Variants in PACRG observed in about 807,000 individuals in gnomAD.
PACRG encodes parkin coregulated gene protein.
Under a neutral mutation model 29.7 loss-of-function variants are expected in PACRG, and 29 were observed. The observed-to-expected ratio is 0.98, with a 90% CI of 0.73 to 1.33. PACRG has a LOEUF of 1.33. Ranked by LOEUF, PACRG falls within the 40% of genes most tolerant of loss-of-function variation. The probability of loss-of-function intolerance (pLI) is 0.00; values close to 1 mark genes in which losing one functional copy is unlikely to be tolerated. For missense variants in PACRG, 279 were observed against 316.2 expected (o/e 0.88, Z 0.89); for synonymous variants, 116 against 118.7 (o/e 0.98, Z 0.15).
chr6:162,911,171 T>G lies in PACRG; in HGVS notation c.291+96890T>G, dbSNP rs147185005. ...AACTAAGTTATTTTAAGCAAACAGC[T>G]TCATTTTACATTCATTTATTTCTGC... On this transcript the variant is annotated intron_variant, in intron 2 of 4. Transcript: ENST00000366888. Among the ~76,000 whole-genome samples, 860 of 152,346 alleles carry G rather than the reference T, an allele frequency of 5.6e-3. 4 individuals are homozygous for G. Among genetic ancestry groups the G allele is most frequent in the Middle Eastern group, 6.8e-3 (2 of 294 alleles).
intron 2 of PACRG, among the ~76,000 whole-genome samples, chr6:163,029,356 G>A (rs1807443691): frequency 6.6e-6 from 1 of 152,164 alleles, no homozygotes; most frequent in African/African-American, 2.4e-5. Context: ...AGTTGTTACA[G>A]CAGCCATAGG....
At chr6:163,111,833 T>A (rs1466336426) in intron 4 of PACRG, among the ~76,000 whole-genome samples, 1 of 152,226 alleles carries the variant, frequency 6.6e-6, no homozygotes, top group East Asian at 1.9e-4. Context: ...CTTGGGTGTA[T>A]CTTGGTTTAT....
intron 2 of PACRG, among the ~76,000 whole-genome samples, chr6:162,882,824 C>T (rs540170622): frequency 1.3e-5 from 2 of 152,326 alleles, no homozygotes; most frequent in South Asian, 4.1e-4. Flanking sequence ...TTCCATTGTG[C>T]TCACTCGCGT....
chr6:162,805,538 C>T (rs1786248068), intron 1 of PACRG, among the ~76,000 whole-genome samples: 1 of 152,152 alleles, frequency 6.6e-6, no homozygotes, highest in Admixed American at 6.5e-5. Flanking sequence ...AAATTTGCTG[C>T]ATTGATTGAT....
intron 4 of PACRG, among the ~76,000 whole-genome samples, chr6:163,139,161 T>A (rs1183872889): frequency 1.3e-5 from 2 of 152,210 alleles, no homozygotes; most frequent in African/African-American, 4.8e-5. Flanking sequence ...ATTCCTGGCC[T>A]CCCCCAGCTT....
chr6:163,017,431 CA>C lies in PACRG; in HGVS notation c.292-44714del, dbSNP rs112203616. ...CGTGAAGTACCCTTTTACAAAGTCA[CA>C]AAAATATTACGAATCTCTTTTGCAG... On this transcript the variant is annotated intron_variant, in intron 2 of 4. Coordinates refer to ENST00000366888, the MANE Select transcript of PACRG (RefSeq NM_001080379.2). Among the ~76,000 whole-genome samples the C allele has an allele frequency of 6.8e-3, 1,032 of 152,218 alleles. 14 individuals carry two copies. Among genetic ancestry groups the C allele is most frequent in the African/African-American group, 0.023 (972 of 41,542 alleles).
At chr6:162,987,938 G>A (rs367573169) in intron 2 of PACRG, among the ~76,000 whole-genome samples, 2 of 152,156 alleles carry the variant, frequency 1.3e-5, no homozygotes, top group African/African-American at 4.8e-5. Context: ...CTCCTTCCTT[G>A]GAGCAGGGTT....
intron 1 of PACRG, among the ~76,000 whole-genome samples, chr6:162,791,382 G>A (rs10806768): frequency 0.54 from 80,422 of 147,770 alleles, 22,622 homozygotes; most frequent in African/African-American, 0.67. Context: ...AAATCTTAGT[G>A]TCACCTTTGA....
intron 2 of PACRG, among the ~76,000 whole-genome samples, chr6:163,044,249 G>C (rs112090664): frequency 4.0e-5 from 6 of 150,624 alleles, no homozygotes; most frequent in African/African-American, 1.2e-4. Flanking sequence ...GTTCACTGAA[G>C]CCTTGGCTCC....
chr6:163,194,361 C>T (rs1780352651), intron 4 of PACRG, among the ~76,000 whole-genome samples: 1 of 152,022 alleles, frequency 6.6e-6, no homozygotes, highest in African/African-American at 2.4e-5. Flanking sequence ...CCCCTCTCTC[C>T]CTCCCTCCCT....
intron 2 of PACRG, among the ~76,000 whole-genome samples, chr6:163,009,741 T>G (rs1805444616): frequency 6.6e-6 from 1 of 152,236 alleles, no homozygotes; most frequent in Non-Finnish European, 1.5e-5. Flanking sequence ...GATGGAGTTA[T>G]TTACACCTCT....
intron 2 of PACRG, among the ~76,000 whole-genome samples, chr6:162,885,526 C>T (rs964574247): frequency 1.3e-5 from 2 of 152,040 alleles, no homozygotes; most frequent in Non-Finnish European, 2.9e-5. Context: ...CTTCCTCGGC[C>T]TCCCAAAGTG....
intron 1 of PACRG, among the ~76,000 whole-genome samples, chr6:162,775,494 A>G (rs1050228755): frequency 5.9e-5 from 9 of 152,258 alleles, no homozygotes; most frequent in African/African-American, 1.9e-4. Context: ...TGCTTTTCAC[A>G]GAACTTAAAT....
In PACRG at chr6:162,842,555, G is replaced by A. The variant is rs1438751451; in HGVS notation, c.291+28274G>A. The stretch of plus-strand genomic sequence containing the variant: ...TGGGTCTTGACTCTTTATCCAATTT[G>A]CCAGTCTGTGTCTTTTAATTGGAGC... On this transcript the variant is annotated intron_variant, in intron 2 of 4. Transcript: ENST00000366888. Among the ~76,000 whole-genome samples the A allele has an allele frequency of 5.5e-4, 82 of 149,470 alleles. No homozygotes were observed. The South Asian group carries it at 0.017, about 31-fold the overall frequency.
intron 2 of PACRG, among the ~76,000 whole-genome samples, chr6:163,044,957 C>T (rs1471231568): frequency 6.6e-6 from 1 of 152,232 alleles, no homozygotes; most frequent in Non-Finnish European, 1.5e-5. Context: ...GGTTGCTCCT[C>T]TCCAATGAAT....
intron 4 of PACRG, among the ~76,000 whole-genome samples, chr6:163,249,015 C>CAAAAAAAA (rs57866351): frequency 1.9e-5 from 2 of 107,484 alleles, no homozygotes; most frequent in African/African-American, 3.4e-5. Flanking sequence ...GACTCTGTCT[C>CAAAAAAAA]AAAAAAAAAA....
At chr6:163,288,577 T>C (rs1451410024) in intron 4 of PACRG, among the ~76,000 whole-genome samples, 1 of 152,232 alleles carries the variant, frequency 6.6e-6, no homozygotes, top group African/African-American at 2.4e-5. Flanking sequence ...TGGGAACTAA[T>C]AAAACTAAAA....
At chr6:162,866,480 CAT>C (rs997404945) in intron 2 of PACRG, among the ~76,000 whole-genome samples, 63 of 152,220 alleles carry the variant, frequency 4.1e-4, no homozygotes, top group African/African-American at 1.5e-3. Context: ...TCCTTACTGA[CAT>C]AGAAACCCTA....
chr6:163,272,597 C>T (rs13197790), intron 4 of PACRG, among the ~76,000 whole-genome samples: 34,763 of 151,934 alleles, frequency 0.23, 4,324 homozygotes, highest in Admixed American at 0.32. Context: ...AGTGAAGATA[C>T]TGGTGAGGGT....
Sources: gnomAD v4.1 joint callset for allele counts (sites outside exome capture counted in the v4.1 genomes callset) on GRCh38, gnomAD v4.1.1 for gene constraint, MANE v1.5 for transcripts, NCBI Gene and HGNC (gene_info 2026-07-23, HGNC 2026-07-21) for gene names.